The following SBNO1 variants were observed in gnomAD, a reference collection of about 807,000 sequenced individuals.
SBNO1 encodes the protein strawberry notch homolog 1.
Under a neutral mutation model 173.6 loss-of-function variants are expected in SBNO1, and 23 were observed. That is an observed-to-expected ratio of 0.13 (90% CI 0.10 to 0.19). The LOEUF is 0.19. SBNO1 is among the 10% of genes least tolerant of loss of function. SBNO1 has a pLI of 1.00. For missense variants in SBNO1, 1,238 were observed against 1,671.2 expected (o/e 0.74, Z 4.52); for synonymous variants, 632 against 571.5 (o/e 1.11, Z -1.51).
intron 23 of SBNO1, among the ~76,000 whole-genome samples, chr12:123,314,270 G>A (rs190665499): frequency 4.6e-5 from 7 of 151,748 alleles, no homozygotes; most frequent in East Asian, 1.9e-4. Context: ...GGGTTCAAGC[G>A]GTTCTCCTGC....
At chr12:123,311,691 C>CCTATCTATCTATCTATCTAT (rs1313680603) in intron 24 of SBNO1, among the ~76,000 whole-genome samples, 1 of 121,768 alleles carries the variant, frequency 8.2e-6, no homozygotes, top group African/African-American at 3.3e-5. Context: ...AAACAAGTAA[C>CCTATCTATCTATCTATCTAT]CTATCTATCT....
At chr12:123,343,683 G>A (rs1440875628) in intron 4 of SBNO1, among the ~76,000 whole-genome samples, 3 of 152,012 alleles carry the variant, frequency 2.0e-5, no homozygotes, top group African/African-American at 7.2e-5. Context: ...AATTACAGGT[G>A]CCCATCATCA....
chr12:123,299,144 T>A (rs12367421), intron 30 of SBNO1, among the ~76,000 whole-genome samples: 17,097 of 151,484 alleles, frequency 0.11, 1,092 homozygotes, highest in East Asian at 0.29. Flanking sequence ...CAAGGCCGGC[T>A]GATCACAAAG....
chr12:123,320,701 G>A lies in SBNO1; in HGVS notation c.2489C>T (p.Pro830Leu). Residue 830 changes from proline (P) to leucine (L), a missense_variant and splice_region_variant, in exon 18 of 32, where the codon CCA becomes CTA. This residue lies in a region of SBNO1 where 74 missense variants were observed against 68.5 expected (regional missense o/e 1.08). Transcript: ENST00000602398. ...AAAGGAAGTTTCTGTATGGATACCTGGTGTACTGTTAGGAGCAGGTGAGAT... is the reference window on the plus strand; with the variant it reads ...AAAGGAAGTTTCTGTATGGATACCTAGTGTACTGTTAGGAGCAGGTGAGAT... ...PVISPAPNSTPANSNTNSNSS... is the reference protein window; with the variant it reads ...PVISPAPNSTLANSNTNSNSS... 6.2e-7 allele frequency: 1 copy of A among 1,603,112 alleles called. No homozygotes were observed. Among genetic ancestry groups the A allele is most frequent in the African/African-American group, 1.4e-5 (1 of 74,034 alleles).
chr12:123,347,968 T>C (rs1442273838), intron 3 of SBNO1, 61 bp downstream of exon 3: 29 of 1,046,074 alleles, frequency 2.8e-5, no homozygotes, highest in African/African-American at 6.3e-5. Context: ...CACCCGGCCA[T>C]GTTTTCTCAC....
chr12:123,356,199 G>T (rs1874440402), intron 1 of SBNO1, among the ~76,000 whole-genome samples: 1 of 152,236 alleles, frequency 6.6e-6, no homozygotes, highest in South Asian at 2.1e-4. Flanking sequence ...CTCTGACTCA[G>T]TTTCCTCATC....
At chr12:123,357,325 C>T (rs1195185567) in intron 1 of SBNO1, among the ~76,000 whole-genome samples, 1 of 151,916 alleles carries the variant, frequency 6.6e-6, no homozygotes, top group Non-Finnish European at 1.5e-5. Context: ...GGTGGCGTGC[C>T]TGTAATCCCA....
At chr12:123,344,279 T>A (rs7973878) in intron 4 of SBNO1, among the ~76,000 whole-genome samples, 145,234 of 152,268 alleles carry the variant, frequency 0.95, 69,387 homozygotes, top group Non-Finnish European at 0.96. Context: ...CAGAAAATGG[T>A]ATCAGTCCTA....
intron 1 of SBNO1, chr12:123,363,773 C>A: frequency 1.3e-6 from 1 of 794,324 alleles, no homozygotes; most frequent in Non-Finnish European, 1.5e-6. Flanking sequence ...ATAAAAAGAG[C>A]TTCTCTGTGC....
At position 123,301,333 on chromosome 12, in the gene SBNO1, G is replaced by T. The variant is rs149419200; in HGVS notation, c.3845+1491C>A. On this transcript the variant is annotated intron_variant, in intron 30 of 31. Coordinates refer to ENST00000602398, the MANE Select transcript of SBNO1 (RefSeq NM_001167856.3). ...ACCTTTTAAAACATTTTATCTTACA[G>T]ATTTTTTCTAATTTTCAGTGGCACT... is the stretch of plus-strand genomic sequence containing the variant. 3.9e-5 allele frequency among the ~76,000 whole-genome samples: 6 copies of T among 152,172 alleles called. No individual in the cohort carries two copies. In the East Asian group the frequency reaches 1.2e-3, roughly 29 times the overall value.
At chr12:123,335,926 T>C (rs1372314533) in intron 6 of SBNO1, among the ~76,000 whole-genome samples, 1 of 152,204 alleles carries the variant, frequency 6.6e-6, no homozygotes, top group East Asian at 1.9e-4. Flanking sequence ...ATTCAAATGG[T>C]ATTATTAGTG....
chr12:123,363,464 G>A (rs972322134), intron 1 of SBNO1, among the ~76,000 whole-genome samples: 5 of 152,122 alleles, frequency 3.3e-5, no homozygotes, highest in Admixed American at 1.3e-4. Flanking sequence ...GCACCCTTCT[G>A]GATGACTCTT....
At chr12:123,324,324 CTT>C (rs61618485) in intron 15 of SBNO1, among the ~76,000 whole-genome samples, 103,824 of 117,508 alleles carry the variant, frequency 0.88, 45,565 homozygotes, top group Middle Eastern at 0.91. Flanking sequence ...TTGCTTTTTT[CTT>C]TTTTTTTTTT....
chr12:123,363,844 A>G, intron 1 of SBNO1: 1 of 985,214 alleles, frequency 1.0e-6, no homozygotes, highest in South Asian at 4.7e-5. Context: ...AGGGGTGGGA[A>G]GGGGAGGAGC....
intron 28 of SBNO1, among the ~76,000 whole-genome samples, chr12:123,307,452 AG>A (rs1302043808): frequency 1.3e-5 from 2 of 152,222 alleles, no homozygotes; most frequent in African/African-American, 4.8e-5. Flanking sequence ...TCATAGAAAA[AG>A]TTTAGCAACT....
rs1190816106 is a variant in SBNO1, at chr12:123,327,926, C to A, written c.1398G>T (p.Leu466Phe). ...GLAVLELQNK[L>F]PKARVVYASA... The stretch of plus-strand genomic sequence containing the variant: ...TAGCATAAACAACTCTGGCTTTTGG[C>A]AATTTGTTCTGAAGCTCTAAAACTG... Residue 466 changes from leucine to phenylalanine, a missense_variant, in exon 11 of 32, where the codon TTG becomes TTT. By Grantham distance (22) the Leu-to-Phe change is conservative (BLOSUM62 0). This residue lies in a region of SBNO1 where 182 missense variants were observed against 339.9 expected (regional missense o/e 0.54). Coordinates refer to ENST00000602398, the MANE Select transcript of SBNO1 (RefSeq NM_001167856.3). 6.2e-7 allele frequency: 1 copy of A among 1,612,550 alleles called. No individual in the cohort carries two copies. Among genetic ancestry groups the A allele is most frequent in the Non-Finnish European group, 8.5e-7 (1 of 1,179,180 alleles).
intron 4 of SBNO1, among the ~76,000 whole-genome samples, chr12:123,344,467 A>T (rs1302347474): frequency 6.6e-6 from 1 of 152,226 alleles, no homozygotes; most frequent in Non-Finnish European, 1.5e-5. Context: ...TTTTAATGAC[A>T]TCTGTCACTT....
intron 5 of SBNO1, among the ~76,000 whole-genome samples, chr12:123,338,727 G>GTT: frequency 6.6e-6 from 1 of 151,946 alleles, no homozygotes; most frequent in South Asian, 2.1e-4. Flanking sequence ...ATCTGGGTGT[G>GTT]GTGGTGGTGG....
rs1179616093 is a variant in SBNO1, at chr12:123,294,646, A to C, written c.*1262T>G. 2 of 167,072 alleles carry C rather than the reference A, an allele frequency of 1.2e-5. No individual in the cohort carries two copies. The highest frequency in any genetic ancestry group is 3.7e-4 in the East Asian group (2 of 5,428). 10.3% of individuals were successfully genotyped at this position (167,072 alleles called of 1,614,324 possible). ...CAACCTGTGGAAGCAAAAAAAAAAA[A>C]AAAAAAAAAAAAAAAGAAAAAAAGA... is the stretch of plus-strand genomic sequence containing the variant. On this transcript the variant is annotated 3_prime_UTR_variant, in exon 32 of 32. Coordinates refer to ENST00000602398, the MANE Select transcript of SBNO1 (RefSeq NM_001167856.3).
Sources: allele counts gnomAD v4.1 joint callset (sites outside exome capture counted in the v4.1 genomes callset), GRCh38; gene constraint gnomAD v4.1.1; regional missense constraint gnomAD v4.1.1; transcripts MANE v1.5; gene names NCBI Gene and HGNC (gene_info 2026-07-23, HGNC 2026-07-21).